PLXNA2: variants seen among roughly 807,000 people sequenced by gnomAD.
PLXNA2 encodes the protein plexin-A2.
In PLXNA2, 91 loss-of-function variants were observed where a neutral mutation model predicts 193.5. The ratio of observed to expected loss-of-function variants is 0.47; its 90% CI spans 0.40 to 0.56. PLXNA2 has a LOEUF of 0.56. PLXNA2 is among the 20% of genes least tolerant of loss of function. The probability of loss-of-function intolerance (pLI) is 0.00; values close to 1 mark genes in which losing one functional copy is unlikely to be tolerated. For synonymous variants in PLXNA2, 997 were observed against 1,027.3 expected (o/e 0.97, Z 0.56); for missense variants, 1,995 against 2,503.2 (o/e 0.80, Z 4.33).
chr1:208,237,784 C>T (rs544395215), intron 1 of PLXNA2, among the ~76,000 whole-genome samples: 1 of 152,274 alleles, frequency 6.6e-6, no homozygotes, highest in South Asian at 2.1e-4. Flanking sequence ...TGCCATTCTG[C>T]CTTTTACTAA....
intron 3 of PLXNA2, among the ~76,000 whole-genome samples, chr1:208,185,475 C>T (rs1346395722): frequency 6.6e-6 from 1 of 151,982 alleles, no homozygotes; most frequent in African/African-American, 2.4e-5. Context: ...GAATTCCCTA[C>T]AATCCTTTTC....
At chr1:208,086,207 C>G (rs1254767118) in intron 9 of PLXNA2, among the ~76,000 whole-genome samples, 2 of 152,170 alleles carry the variant, frequency 1.3e-5, no homozygotes, top group Non-Finnish European at 2.9e-5. Context: ...CCTCCATCTC[C>G]CCAGTCTTTC....
rs1237912392 is a variant in PLXNA2, at chr1:208,096,886, G to GT, written c.1732-4dup. 1.2e-6 allele frequency: 2 copies of GT among 1,612,646 alleles called. No individual in the cohort carries two copies. Among genetic ancestry groups the GT allele is most frequent in the East Asian group, 4.5e-5 (2 of 44,856 alleles). On this transcript the variant is annotated splice_region_variant and splice_polypyrimidine_tract_variant and intron_variant, in intron 6 of 31. Coordinates refer to ENST00000367033, the MANE Select transcript of PLXNA2 (RefSeq NM_025179.4). ...GCATCACTCACTACCAGGCTAAGCT[G>GT]TGGGAGGAGCAAAGAGATGATGCCA...
chr1:208,041,282 G>A (rs1192250350), intron 22 of PLXNA2, among the ~76,000 whole-genome samples: 2 of 152,150 alleles, frequency 1.3e-5, no homozygotes, highest in Non-Finnish European at 2.9e-5. Flanking sequence ...AGGAGGGGTG[G>A]TGAACGGAGG....
chr1:208,113,023 A>AC (rs1356338484), intron 4 of PLXNA2, among the ~76,000 whole-genome samples: 1 of 151,668 alleles, frequency 6.6e-6, no homozygotes, highest in Non-Finnish European at 1.5e-5. Flanking sequence ...AAAAAAAAAA[A>AC]ACAGAGATGC....
intron 3 of PLXNA2, among the ~76,000 whole-genome samples, chr1:208,165,593 G>T (rs568287232): frequency 1.1e-4 from 16 of 152,208 alleles, no homozygotes; most frequent in African/African-American, 3.4e-4. Flanking sequence ...GGCAGCTTTC[G>T]TCAATAGCCT....
intron 4 of PLXNA2, among the ~76,000 whole-genome samples, chr1:208,135,762 C>A (rs760201776): frequency 2.2e-4 from 33 of 152,230 alleles, no homozygotes; most frequent in Middle Eastern, 3.4e-3. Flanking sequence ...CAGTCCTTAC[C>A]AGCTCTGATG....
rs1453188502 is a variant in PLXNA2 at position 208,028,214 on chromosome 1, A to G, written c.5439-55T>C. ...GAGGCCTCAGCAAACATTTACCTAT[A>G]GCTACCCCGGGCCCAGGTCCTTCGA... On this transcript the variant is annotated intron_variant, in intron 30 of 31. Transcript: ENST00000367033. This position sits in a 1 kb window ranked among gnomAD's most constrained non-coding sequence, Gnocchi z 4.2. The G allele has an allele frequency of 2.0e-6, 3 of 1,525,164 alleles. No individual in the cohort carries two copies. The highest frequency in any genetic ancestry group is 1.4e-5 in the African/African-American group (1 of 72,074). The allele number at this position is 1,525,164 out of a possible 1,614,324, so 94.5% of individuals were successfully genotyped here. A position where few individuals can be genotyped will look rare whatever the true frequency, so the allele number is the denominator to read the frequency against.
At chr1:208,161,322 C>A (rs544988004) in intron 3 of PLXNA2, among the ~76,000 whole-genome samples, 3 of 152,166 alleles carry the variant, frequency 2.0e-5, no homozygotes, top group African/African-American at 2.4e-5. Flanking sequence ...CCCCTCACAC[C>A]AGAAGGCTGG....
intron 1 of PLXNA2, among the ~76,000 whole-genome samples, chr1:208,226,327 G>A (rs73082018): frequency 0.014 from 2,112 of 152,022 alleles, 52 homozygotes; most frequent in African/African-American, 0.048. Flanking sequence ...TGCTTTTAAC[G>A]TCAGGGAGAG....
chr1:208,234,047 G>C (rs1572061547), intron 1 of PLXNA2, among the ~76,000 whole-genome samples: 1 of 152,266 alleles, frequency 6.6e-6, no homozygotes, highest in South Asian at 2.1e-4. Flanking sequence ...CCAAGGAAGA[G>C]AGAGATGGGG....
intron 1 of PLXNA2, among the ~76,000 whole-genome samples, chr1:208,230,965 C>A (rs1238229093): frequency 6.6e-6 from 1 of 152,154 alleles, no homozygotes; most frequent in African/African-American, 2.4e-5. Flanking sequence ...GAGGTCTGAC[C>A]ACTTAAAGGT....
chr1:208,027,098 G>C lies in PLXNA2; in HGVS notation c.*145C>G. 1 of 721,806 alleles carries C rather than the reference G, an allele frequency of 1.4e-6. No individual in the cohort carries two copies. The highest frequency in any genetic ancestry group is 2.3e-6 in the Non-Finnish European group (1 of 432,106). 44.7% of individuals were successfully genotyped at this position (721,806 alleles called of 1,614,324 possible). On this transcript the variant is annotated 3_prime_UTR_variant, in exon 32 of 32. Transcript: ENST00000367033. ...TGACGAAACTTGGCTGGCGTAGGGA[G>C]AGGAGTCCTCCCCTCTCCCCAGGAT... is the stretch of plus-strand genomic sequence containing the variant.
chr1:208,071,040 A>T (rs1483544417), intron 12 of PLXNA2, among the ~76,000 whole-genome samples: 4 of 152,136 alleles, frequency 2.6e-5, no homozygotes, highest in Non-Finnish European at 5.9e-5. Flanking sequence ...GTTGGTGGGG[A>T]CATTGCCCAG....
chr1:208,121,642 C>G (rs1309005908), intron 4 of PLXNA2, among the ~76,000 whole-genome samples: 1 of 152,156 alleles, frequency 6.6e-6, no homozygotes, highest in East Asian at 1.9e-4. Flanking sequence ...GAGGCCTCCC[C>G]AGTCATGCAG....
intron 3 of PLXNA2, among the ~76,000 whole-genome samples, chr1:208,163,079 C>T (rs548741734): frequency 6.6e-6 from 1 of 152,190 alleles, no homozygotes; most frequent in East Asian, 1.9e-4. Flanking sequence ...TGAGTCAAGA[C>T]ATAGGCATGG....
At chr1:208,113,005 C>CAA (rs5780433) in intron 4 of PLXNA2, among the ~76,000 whole-genome samples, 51,065 of 114,424 alleles carry the variant, frequency 0.45, 12,135 homozygotes, top group South Asian at 0.56. Context: ...GAAGGACCTA[C>CAA]AAAAAAAAAA....
At chr1:208,123,958 C>T (rs1282137836) in intron 4 of PLXNA2, among the ~76,000 whole-genome samples, 1 of 151,976 alleles carries the variant, frequency 6.6e-6, no homozygotes, top group African/African-American at 2.4e-5. Flanking sequence ...TCTAGTTGAC[C>T]CCAGAGAGAG....
At chr1:208,066,650 C>T (rs1255715390) in intron 12 of PLXNA2, among the ~76,000 whole-genome samples, 1 of 135,244 alleles carries the variant, frequency 7.4e-6, no homozygotes, top group East Asian at 2.0e-4. Flanking sequence ...TTAGAGTGTA[C>T]TCCTTCTACT....
Sources: gnomAD v4.1 joint callset for allele counts (sites outside exome capture counted in the v4.1 genomes callset) on GRCh38, gnomAD v4.1.1 for gene constraint, Gnocchi (gnomAD v3.1) non-coding constraint, MANE v1.5 for transcripts, NCBI Gene and HGNC (gene_info 2026-07-23, HGNC 2026-07-21) for gene names.